TNS3: variants seen among roughly 807,000 people sequenced by gnomAD.
The protein encoded by TNS3 is tensin-3.
TNS3 carries 45 observed loss-of-function variants against 140.9 expected under a neutral mutation model. The ratio of observed to expected loss-of-function variants is 0.32; its 90% CI spans 0.25 to 0.41. The LOEUF (loss-of-function observed/expected upper bound fraction) is 0.41. Among genes scored for constraint, TNS3 ranks in the 10% least tolerant of loss-of-function variants. TNS3 has a pLI of 1.00. For missense variants in TNS3, 1,716 were observed against 1,906.7 expected (o/e 0.90, Z 1.86); for synonymous variants, 815 against 788.4 (o/e 1.03, Z -0.56).
At chr7:47,381,626 G>T (rs1791765568) in intron 16 of TNS3, among the ~76,000 whole-genome samples, 1 of 152,178 alleles carries the variant, frequency 6.6e-6, no homozygotes, top group African/African-American at 2.4e-5. Flanking sequence ...ACATACCTGG[G>T]CTATAAGTGC....
chr7:47,461,577 GCACTGCATGCC>G (rs1304902900), intron 4 of TNS3, among the ~76,000 whole-genome samples: 2 of 152,086 alleles, frequency 1.3e-5, no homozygotes, highest in African/African-American at 4.8e-5. Context: ...GAGGAGCCGG[GCACTGCATGCC>G]CACTGCATGC....
intron 20 of TNS3, among the ~76,000 whole-genome samples, chr7:47,344,360 C>T (rs540108469): frequency 6.6e-6 from 1 of 150,986 alleles, no homozygotes; most frequent in Admixed American, 6.7e-5. Context: ...CCACAAGGTA[C>T]GTGTGAGAAG....
At chr7:47,515,836 T>G (rs148306102) in intron 2 of TNS3, among the ~76,000 whole-genome samples, 1 of 152,354 alleles carries the variant, frequency 6.6e-6, no homozygotes, top group African/African-American at 2.4e-5. Context: ...CTGACACCAT[T>G]GAACACTTTC....
chr7:47,414,677 A>G lies in TNS3; in HGVS notation c.586+417T>C, dbSNP rs116877254. ...TGTGCTTTCCTGTGGGGTCATTTTA[A>G]AGGAGGAGGAGGAGATGGGTTCATG... On this transcript the variant is annotated intron_variant, in intron 11 of 30. Coordinates refer to ENST00000311160, the MANE Select transcript of TNS3 (RefSeq NM_022748.12). Among the ~76,000 whole-genome samples the G allele has an allele frequency of 2.8e-3, 425 of 152,260 alleles. 1 individual carries two copies. Among genetic ancestry groups the G allele is most frequent in the Non-Finnish European group, 4.8e-3 (327 of 68,016 alleles).
At chr7:47,502,830 T>C (rs2151867882) in intron 3 of TNS3, among the ~76,000 whole-genome samples, 1 of 152,254 alleles carries the variant, frequency 6.6e-6, no homozygotes. Flanking sequence ...ACTCTCCTTC[T>C]ACAGACTCAG....
chr7:47,280,601 A>T (rs986287237), intron 28 of TNS3, among the ~76,000 whole-genome samples: 1 of 152,224 alleles, frequency 6.6e-6, no homozygotes, highest in Non-Finnish European at 1.5e-5. Context: ...AGCCGTGTGG[A>T]AGGCGGGAAT....
rs200823221 is a variant in TNS3, at chr7:47,303,236, C to T, written c.3171G>A (p.Ala1057=). The part of the protein sequence containing the change: ...ASPTPSIPLT[A]TGAADNGFLS... ...GGAAGCCATTGTCGGCAGCCCCTGT[C>T]GCTGTCAGCGGGATGCTGGGGGTCG... The change falls in exon 22 of 31, where the codon GCG becomes GCA. Residue 1057 remains alanine (A), a synonymous_variant. Transcript: ENST00000311160. 5.6e-6 allele frequency: 9 copies of T among 1,613,780 alleles called. No homozygotes were observed. In the Admixed American group the frequency reaches 6.7e-5, roughly 12 times the overall value.
intron 8 of TNS3, among the ~76,000 whole-genome samples, chr7:47,432,197 A>AT (rs1794959906): frequency 6.6e-6 from 1 of 152,214 alleles, no homozygotes; most frequent in South Asian, 2.1e-4. Flanking sequence ...ATAAAAGATG[A>AT]TTGGGTCATG....
At chr7:47,535,779 G>A (rs999671313) in intron 1 of TNS3, among the ~76,000 whole-genome samples, 10 of 152,228 alleles carry the variant, frequency 6.6e-5, no homozygotes, top group African/African-American at 2.2e-4. Flanking sequence ...CCACTCTGCC[G>A]AAATGCAAAA....
At chr7:47,398,624 C>G (rs867440486) in intron 15 of TNS3, among the ~76,000 whole-genome samples, 11 of 152,204 alleles carry the variant, frequency 7.2e-5, no homozygotes, top group African/African-American at 2.6e-4. Flanking sequence ...ATCTAGCATC[C>G]CTTTATGATA....
At chr7:47,353,992 AACACACACACAC>A (rs10598998) in intron 17 of TNS3, among the ~76,000 whole-genome samples, 66 of 143,490 alleles carry the variant, frequency 4.6e-4, no homozygotes, top group African/African-American at 1.4e-3. Context: ...CAGAGGACAA[AACACACACACAC>A]ACACACACAC....
intron 28 of TNS3, 65 bp from the exon 29 acceptor site, chr7:47,280,419 A>G (rs372633390): frequency 1.2e-5 from 17 of 1,437,292 alleles, no homozygotes; most frequent in South Asian, 2.3e-5. Context: ...TGGGGGATGC[A>G]CTGGGCGGGC....
intron 12 of TNS3, 115 bp downstream of exon 12, chr7:47,413,822 T>C: frequency 7.6e-7 from 1 of 1,316,996 alleles, no homozygotes; most frequent in Non-Finnish European, 1.1e-6. Context: ...TTCTTGGCAT[T>C]CTCTGACCTG....
chr7:47,422,177 G>A (rs1451950909), intron 10 of TNS3, among the ~76,000 whole-genome samples: 2 of 152,180 alleles, frequency 1.3e-5, no homozygotes, highest in Non-Finnish European at 1.5e-5. Flanking sequence ...AAAGAGCAAG[G>A]AGTAAGGGGC....
chr7:47,508,177 T>G (rs1323471957), intron 2 of TNS3, among the ~76,000 whole-genome samples: 2 of 152,156 alleles, frequency 1.3e-5, no homozygotes, highest in Non-Finnish European at 2.9e-5. Flanking sequence ...AAAAGGTTTG[T>G]GTAGGGTTGA....
chr7:47,424,686 G>C (rs1459416859), intron 9 of TNS3, among the ~76,000 whole-genome samples: 1 of 152,196 alleles, frequency 6.6e-6, no homozygotes, highest in Non-Finnish European at 1.5e-5. Flanking sequence ...AGTCCCAAGA[G>C]GCACCCTCGG....
intron 5 of TNS3, among the ~76,000 whole-genome samples, chr7:47,441,626 C>T (rs1383335107): frequency 6.6e-6 from 1 of 152,210 alleles, no homozygotes; most frequent in South Asian, 2.1e-4. Context: ...GCGCTTCCTA[C>T]GGTCATGAGG....
intron 16 of TNS3, among the ~76,000 whole-genome samples, chr7:47,388,827 G>A (rs1333074507): frequency 2.6e-5 from 4 of 151,762 alleles, no homozygotes; most frequent in Admixed American, 6.6e-5. Flanking sequence ...AGATTGGGCA[G>A]CTGCACTCCA....
chr7:47,313,221 G>T (rs770342636), intron 20 of TNS3, among the ~76,000 whole-genome samples: 1 of 152,176 alleles, frequency 6.6e-6, no homozygotes, highest in Non-Finnish European at 1.5e-5. Context: ...CACCTCATGG[G>T]TTCTTTGCTT....
Sources: allele counts gnomAD v4.1 joint callset (sites outside exome capture counted in the v4.1 genomes callset), GRCh38; gene constraint gnomAD v4.1.1; transcripts MANE v1.5; gene names NCBI Gene and HGNC (gene_info 2026-07-23, HGNC 2026-07-21).